The following LGR6 variants were observed in gnomAD, a reference collection of about 807,000 sequenced individuals.
LGR6 encodes leucine-rich repeat-containing G protein-coupled receptor 6.
A neutral mutation model predicts 69.4 loss-of-function variants in LGR6; 45 were observed. The ratio of observed to expected loss-of-function variants is 0.65; its 90% CI spans 0.51 to 0.83. LGR6 has a LOEUF of 0.83. Among genes scored for constraint, LGR6 ranks in the 40% least tolerant of loss-of-function variants. The pLI is 0.00. For synonymous variants in LGR6, 538 were observed against 555.0 expected (o/e 0.97, Z 0.43); for missense variants, 1,108 against 1,246.7 (o/e 0.89, Z 1.68).
chr1:202,199,710 G>A (rs1049963064), intron 1 of LGR6, among the ~76,000 whole-genome samples: 1 of 152,168 alleles, frequency 6.6e-6, no homozygotes, highest in African/African-American at 2.4e-5. Flanking sequence ...CAATGGGGAG[G>A]CCCTGCTGGG....
intron 5 of LGR6, among the ~76,000 whole-genome samples, chr1:202,277,678 T>C (rs1446750886): frequency 3.3e-5 from 5 of 152,182 alleles, no homozygotes; most frequent in South Asian, 4.1e-4. Flanking sequence ...CTGTGAGATA[T>C]AGCCACTGCC....
In LGR6 at chr1:202,286,285, G is replaced by A. The variant is rs140376411; in HGVS notation, c.716+5433G>A. ...GATAGGCTGATAGGTTGGGGCAGGG[G>A]TCCAGATGAATCTCGCAAATTTGCC... On this transcript the variant is annotated intron_variant, in intron 6 of 17. Transcript: ENST00000367278. Among the ~76,000 whole-genome samples, 6 of 152,326 alleles carry A rather than the reference G, an allele frequency of 3.9e-5. No individual in the cohort carries two copies. In the East Asian group the frequency reaches 1.2e-3, roughly 29 times the overall value.
chr1:202,255,639 A>C (rs1421556777), intron 4 of LGR6, among the ~76,000 whole-genome samples: 1 of 152,206 alleles, frequency 6.6e-6, no homozygotes, highest in Non-Finnish European at 1.5e-5. Context: ...CATTGTAGAA[A>C]ATTTAGAAAA....
chr1:202,253,795 ATTTTTTT>A (rs71141469), intron 4 of LGR6, among the ~76,000 whole-genome samples: 2 of 47,960 alleles, frequency 4.2e-5, no homozygotes, highest in Non-Finnish European at 4.0e-5. Context: ...CGCCTGGCTA[ATTTTTTT>A]TTTTTTTTTT....
At chr1:202,200,279 A>T (rs748281579) in intron 1 of LGR6, among the ~76,000 whole-genome samples, 3 of 152,234 alleles carry the variant, frequency 2.0e-5, no homozygotes, top group Non-Finnish European at 4.4e-5. Flanking sequence ...CTGTCTGGAG[A>T]GTACAGCTTC....
At chr1:202,294,934 G>A (rs1667039882) in intron 6 of LGR6, among the ~76,000 whole-genome samples, 1 of 152,200 alleles carries the variant, frequency 6.6e-6, no homozygotes, top group South Asian at 2.1e-4. Context: ...GTAAACCATA[G>A]AAGTATTTGG....
chr1:202,204,961 AAC>A (rs796611351), intron 1 of LGR6, among the ~76,000 whole-genome samples: 278 of 7,646 alleles, frequency 0.036, 63 homozygotes, highest in East Asian at 0.081. Flanking sequence ...CGCACCTCCA[AAC>A]ACACACACAC....
chr1:202,229,131 C>T (rs1406001585), intron 3 of LGR6, among the ~76,000 whole-genome samples: 5 of 152,200 alleles, frequency 3.3e-5, no homozygotes, highest in Non-Finnish European at 7.4e-5. Context: ...AGGCTTCCAG[C>T]TGGTCAAGTT....
chr1:202,252,491 C>A (rs1663349278), intron 4 of LGR6, among the ~76,000 whole-genome samples: 2 of 152,172 alleles, frequency 1.3e-5, no homozygotes, highest in Non-Finnish European at 2.9e-5. Flanking sequence ...AGCCCCTGGG[C>A]TCCTGTACGT....
intron 5 of LGR6, among the ~76,000 whole-genome samples, chr1:202,277,744 C>T (rs1665692571): frequency 6.7e-6 from 1 of 148,376 alleles, no homozygotes; most frequent in African/African-American, 2.5e-5. Context: ...AAAAAAATAA[C>T]AAATGATGTA....
chr1:202,301,232 C>T lies in LGR6; in HGVS notation c.926C>T (p.Thr309Ile). The stretch of plus-strand genomic sequence containing the variant: ...TTCCAGTACCTGCCTAAACTCCACA[C>T]ACTGTAAGTTGGCTCCTGAAGGCTG... ...SAFQYLPKLH[T>I]LSLNGAMDIQ... The change falls in exon 9 of 18, where the codon ACA becomes ATA. Residue 309 changes from threonine to isoleucine, a missense_variant. Physicochemically the swap from Thr to Ile is moderately conservative, Grantham distance 89. Transcript: ENST00000367278. 1.9e-6 allele frequency: 3 copies of T among 1,613,924 alleles called. No individual in the cohort carries two copies. Among genetic ancestry groups the T allele is most frequent in the Non-Finnish European group, 2.5e-6 (3 of 1,179,768 alleles).
chr1:202,195,305 G>A lies in LGR6; in HGVS notation c.212+1104G>A, dbSNP rs568491706. Among the ~76,000 whole-genome samples the A allele has an allele frequency of 3.9e-5, 6 of 152,300 alleles. 3 individuals carry two copies. The highest frequency in any genetic ancestry group is 1.4e-4 in the African/African-American group (6 of 41,568). ...GGAGGCTGGGTGAATCTTTATAGGG[G>A]CCTAGCAAGAATTTGTGGAACTAAA... On this transcript the variant is annotated intron_variant, in intron 1 of 17. Transcript: ENST00000367278.
At chr1:202,279,848 T>G (rs899161441) in intron 5 of LGR6, among the ~76,000 whole-genome samples, 1 of 152,256 alleles carries the variant, frequency 6.6e-6, no homozygotes, top group Non-Finnish European at 1.5e-5. Flanking sequence ...ATTTATTGAC[T>G]CATTTTTTCA....
chr1:202,264,452 A>G (rs1022723377), intron 4 of LGR6, among the ~76,000 whole-genome samples: 4 of 152,158 alleles, frequency 2.6e-5, no homozygotes, highest in African/African-American at 9.7e-5. Flanking sequence ...TCTACCAACC[A>G]CAGCCACCCT....
chr1:202,201,418 C>T (rs1292063113), intron 1 of LGR6, among the ~76,000 whole-genome samples: 2 of 152,236 alleles, frequency 1.3e-5, no homozygotes, highest in African/African-American at 4.8e-5. Context: ...TGCGCTCAAG[C>T]ACTTTATCTG....
chr1:202,290,615 G>A (rs984099855), intron 6 of LGR6, among the ~76,000 whole-genome samples: 6 of 152,226 alleles, frequency 3.9e-5, no homozygotes, highest in African/African-American at 1.2e-4. Context: ...GCTCACGCCT[G>A]TAATCCCAGC....
Position 202,313,224 on chromosome 1 carries a change from C to T in LGR6, c.1568-1578C>T, listed in dbSNP as rs1035751277. Among the ~76,000 whole-genome samples the T allele has an allele frequency of 2.1e-5, 3 of 146,088 alleles. No homozygotes were observed. The East Asian group carries it at 6.0e-4, about 29-fold the overall frequency. On this transcript the variant is annotated intron_variant, in intron 16 of 17. Coordinates refer to ENST00000367278, the MANE Select transcript of LGR6 (RefSeq NM_001017403.2). The stretch of plus-strand genomic sequence containing the variant: ...CCTGGGCAACAGAGCGAGACTCCAT[C>T]TCAAAAAAAAAAAAAAAGTGTAAAG...
intron 1 of LGR6, among the ~76,000 whole-genome samples, chr1:202,195,250 G>A (rs1401422146): frequency 1.3e-5 from 2 of 152,186 alleles, no homozygotes; most frequent in African/African-American, 4.8e-5. Context: ...ATGGCTTTGG[G>A]GTTCCAGCAC....
chr1:202,228,987 G>GTTC (rs1660792345), intron 3 of LGR6, among the ~76,000 whole-genome samples: 1 of 152,168 alleles, frequency 6.6e-6, no homozygotes, highest in Non-Finnish European at 1.5e-5. Flanking sequence ...GGTTAAGGAA[G>GTTC]TGAGAAGGGG....
Sources: gnomAD v4.1 joint callset for allele counts (sites outside exome capture counted in the v4.1 genomes callset) on GRCh38, gnomAD v4.1.1 for gene constraint, MANE v1.5 for transcripts, NCBI Gene and HGNC (gene_info 2026-07-23, HGNC 2026-07-21) for gene names.